Variants in RB1 observed in about 807,000 individuals in gnomAD.
The protein encoded by RB1 is RB transcriptional corepressor 1.
A neutral mutation model predicts 135.4 loss-of-function variants in RB1; 18 were observed. The ratio of observed to expected loss-of-function variants is 0.13; its 90% CI spans 0.09 to 0.20. RB1 has a LOEUF of 0.20. RB1 is among the 10% of genes least tolerant of loss of function. The pLI is 1.00. For synonymous variants in RB1, 365 were observed against 373.2 expected, an observed-to-expected ratio of 0.98 and a Z score of 0.25; for missense variants, 868 against 1,110.0, an observed-to-expected ratio of 0.78 and a Z score of 3.10.
intron 2 of RB1, chr13:48,317,424 G>T: frequency 2.7e-6 from 1 of 375,744 alleles, no homozygotes; most frequent in Non-Finnish European, 4.9e-6. Context: ...AGGGCAGGGT[G>T]TGGTCAGCCT....
intron 11 of RB1, among the ~76,000 whole-genome samples, chr13:48,371,695 G>A (rs752567195): frequency 1.4e-4 from 21 of 152,156 alleles, no homozygotes; most frequent in Non-Finnish European, 2.8e-4. Context: ...TGCTTGAAGG[G>A]AGGGTGCATA....
At chr13:48,396,836 A>G (rs1384898901) in intron 17 of RB1, among the ~76,000 whole-genome samples, 1 of 152,248 alleles carries the variant, frequency 6.6e-6, no homozygotes, top group African/African-American at 2.4e-5. Context: ...TGGGTGAAGG[A>G]TATGAACAGA....
At chr13:48,441,022 A>G (rs1438514807) in intron 17 of RB1, among the ~76,000 whole-genome samples, 1 of 152,170 alleles carries the variant, frequency 6.6e-6, no homozygotes, top group Non-Finnish European at 1.5e-5. Context: ...TAATCATTAG[A>G]TTTTCTGAAC....
Sources: gnomAD v4.1 joint callset for allele counts (sites outside exome capture counted in the v4.1 genomes callset) on GRCh38, gnomAD v4.1.1 for gene constraint, MANE v1.5 for transcripts, NCBI Gene and HGNC (gene_info 2026-07-23, HGNC 2026-07-21) for gene names.